Variants in ZNF462 observed in about 807,000 individuals in gnomAD.
ZNF462 encodes the protein zinc finger PBX1-interacting protein.
Under a neutral mutation model 201.9 loss-of-function variants are expected in ZNF462, and 10 were observed. The observed-to-expected ratio is 0.05, with a 90% CI of 0.03 to 0.08. The LOEUF is 0.08. Ranked by LOEUF, ZNF462 falls within the 10% of genes least tolerant of loss-of-function variation. ZNF462 has a pLI of 1.00. For synonymous variants in ZNF462, 1,227 were observed against 1,193.3 expected (o/e 1.03, Z -0.58); for missense variants, 2,523 against 3,168.3 (o/e 0.80, Z 4.89).
chr9:106,951,455 G>C (rs1383576245), intron 7 of ZNF462, among the ~76,000 whole-genome samples: 1 of 152,072 alleles, frequency 6.6e-6, no homozygotes, highest in Non-Finnish European at 1.5e-5. Flanking sequence ...TTGAGAGAAA[G>C]CAAAAAACAA....
In ZNF462 at chr9:106,968,652, T is replaced by C. The variant is rs1484791465; in HGVS notation, c.6428-3353T>C. 6.6e-6 allele frequency among the ~76,000 whole-genome samples: 1 copy of C among 152,120 alleles called. No homozygotes were observed. The highest frequency in any genetic ancestry group is 1.5e-5 in the Non-Finnish European group (1 of 68,020). On this transcript the variant is annotated intron_variant, in intron 7 of 12. Transcript: ENST00000277225. The surrounding 1 kb of genome is among the most constrained non-coding windows in gnomAD (Gnocchi z 4.0). Reference sequence around the variant, plus strand: ...CTGTTGGTTCCATTGTAGATACCACTGGCCATACAGGTGTTAAAGATCTAA... The same window carrying C: ...CTGTTGGTTCCATTGTAGATACCACCGGCCATACAGGTGTTAAAGATCTAA...
rs1431649089 is a variant in ZNF462, at chr9:106,932,188, AAAAG to A, written c.6013-253_6013-250del. On this transcript the variant is annotated intron_variant, in intron 4 of 12. Coordinates refer to ENST00000277225, the MANE Select transcript of ZNF462 (RefSeq NM_021224.6). The surrounding 1 kb of genome is among the most constrained non-coding windows in gnomAD (Gnocchi z 6.8). Reference sequence around the variant, plus strand: ...TTGAGTTTGGGAGAATGTAGGGAGAAAAAGAAAGCTGGAGGCAATGATGATGGAT... The same window carrying A: ...TTGAGTTTGGGAGAATGTAGGGAGAAAAAGCTGGAGGCAATGATGATGGAT... 14 of 1,527,350 alleles carry A rather than the reference AAAAG, an allele frequency of 9.2e-6. No homozygotes were observed. The highest frequency in any genetic ancestry group is 8.3e-5 in the African/African-American group (6 of 72,726). The allele number at this position is 1,527,350 out of a possible 1,614,324, so 94.6% of individuals were successfully genotyped here.
At chr9:106,971,174 G>C (rs1362740551) in intron 7 of ZNF462, among the ~76,000 whole-genome samples, 1 of 151,920 alleles carries the variant, frequency 6.6e-6, no homozygotes, top group African/African-American at 2.4e-5. Flanking sequence ...CCTTGTGCTT[G>C]AGCATTTCTG....
chr9:106,951,335 C>T (rs1423132151), intron 7 of ZNF462, among the ~76,000 whole-genome samples: 1 of 152,106 alleles, frequency 6.6e-6, no homozygotes, highest in African/African-American at 2.4e-5. Context: ...ATATCATCCA[C>T]TATGTGTTGC....
At chr9:106,916,427 T>TG in intron 1 of ZNF462, among the ~76,000 whole-genome samples, 1 of 152,214 alleles carries the variant, frequency 6.6e-6, no homozygotes, top group Non-Finnish European at 1.5e-5. Flanking sequence ...GCAGCATATC[T>TG]GCAACTTCCC....
rs1159313323 is a variant in ZNF462 at position 106,935,658 on chromosome 9, A to G, written c.6235+37A>G. 5.0e-5 allele frequency: 77 copies of G among 1,543,860 alleles called. No homozygotes were observed. Among genetic ancestry groups the G allele is most frequent in the Admixed American group, 6.7e-5 (4 of 59,864 alleles). On this transcript the variant is annotated intron_variant, in intron 6 of 12. Transcript: ENST00000277225. The surrounding 1 kb of genome is among the most constrained non-coding windows in gnomAD (Gnocchi z 4.1). ...ATTGATGATGCACAAGTTCTTTAGC[A>G]CTCTCTGAGTTTGAAACCTGATGAT...
In ZNF462 at chr9:106,962,021, A is replaced by G. The variant is rs1178744847; in HGVS notation, c.6428-9984A>G. ...GGCAAGGGAGTGAGGATCGGCCTGG[A>G]AAGATGAAGGAGAGTGTGAGCCCCA... On this transcript the variant is annotated intron_variant, in intron 7 of 12. Transcript: ENST00000277225. The surrounding 1 kb of genome is among the most constrained non-coding windows in gnomAD (Gnocchi z 4.6). Among the ~76,000 whole-genome samples the G allele has an allele frequency of 6.6e-6, 1 of 152,040 alleles. No homozygotes were observed. Among genetic ancestry groups the G allele is most frequent in the Non-Finnish European group, 1.5e-5 (1 of 67,964 alleles).
Position 107,012,412 on chromosome 9 carries a change from G to A in ZNF462, c.*1382G>A, listed in dbSNP as rs1179088218. 2.0e-5 allele frequency: 3 copies of A among 148,552 alleles called. No individual in the cohort carries two copies. Among genetic ancestry groups the A allele is most frequent in the Non-Finnish European group, 3.0e-5 (2 of 67,422 alleles). The allele number at this position is 148,552 out of a possible 1,614,324, so 9.2% of individuals were successfully genotyped here. On this transcript the variant is annotated 3_prime_UTR_variant, in exon 13 of 13. Coordinates refer to ENST00000277225, the MANE Select transcript of ZNF462 (RefSeq NM_021224.6). ...GACAAGAAATAACATATCCTACAAGGAGCCTGGAGAACTACTTTCTTTCTT... is the reference window on the plus strand; with the variant it reads ...GACAAGAAATAACATATCCTACAAGAAGCCTGGAGAACTACTTTCTTTCTT...
At chr9:106,976,897 A>G (rs1452526254) in intron 9 of ZNF462, among the ~76,000 whole-genome samples, 1 of 152,208 alleles carries the variant, frequency 6.6e-6, no homozygotes, top group African/African-American at 2.4e-5. Flanking sequence ...TCTAGTAAGT[A>G]ATCCAGCTGG....
rs1410600794 is a variant in ZNF462, at chr9:106,928,666, C to T, written c.4754C>T (p.Thr1585Ile). 1.9e-6 allele frequency: 3 copies of T among 1,614,198 alleles called. No individual in the cohort carries two copies. The highest frequency in any genetic ancestry group is 1.6e-4 in the Middle Eastern group (1 of 6,062). ...TACCGGTGCAAACTGTGTCCGTACA[C>T]ACACGGCACTTTGGAGAAACTAAAA... is the stretch of plus-strand genomic sequence containing the variant. Reference protein sequence around the residue: ...GAYRCKLCPYTHGTLEKLKIH... With the variant: ...GAYRCKLCPYIHGTLEKLKIH... Residue 1585 changes from threonine (T) to isoleucine (I), a missense_variant, in exon 3 of 13, where the codon ACA becomes ATA. Transcript: ENST00000277225. This position sits in a 1 kb window ranked among gnomAD's most constrained non-coding sequence, Gnocchi z 9.3.
In ZNF462 at chr9:107,003,870, C is replaced by T. The variant is rs1829368202; in HGVS notation, c.7189+444C>T. 6.6e-6 allele frequency among the ~76,000 whole-genome samples: 1 copy of T among 151,950 alleles called. No individual in the cohort carries two copies. Among genetic ancestry groups the T allele is most frequent in the Admixed American group, 6.6e-5 (1 of 15,246 alleles). On this transcript the variant is annotated intron_variant, in intron 11 of 12. Coordinates refer to ENST00000277225, the MANE Select transcript of ZNF462 (RefSeq NM_021224.6). This position sits in a 1 kb window ranked among gnomAD's most constrained non-coding sequence, Gnocchi z 4.4. ...GGACGGTGGTGCAAAGAACTTGAGCCCCTACCCCCTGATGTCCCTCTGCGT... is the reference window on the plus strand; with the variant it reads ...GGACGGTGGTGCAAAGAACTTGAGCTCCTACCCCCTGATGTCCCTCTGCGT...
chr9:106,908,846 A>T (rs2131269524), intron 1 of ZNF462, among the ~76,000 whole-genome samples: 1 of 141,132 alleles, frequency 7.1e-6, no homozygotes, highest in African/African-American at 2.6e-5. Flanking sequence ...TGTTAACTTC[A>T]GAAATGAAAT....
chr9:106,945,233 A>G (rs1246836620), intron 7 of ZNF462, among the ~76,000 whole-genome samples: 1 of 152,224 alleles, frequency 6.6e-6, no homozygotes, highest in African/African-American at 2.4e-5. Context: ...TTTTAAAAAT[A>G]TTTGTGCATG....
At chr9:106,873,575 T>C (rs1827693330) in intron 1 of ZNF462, among the ~76,000 whole-genome samples, 1 of 152,202 alleles carries the variant, frequency 6.6e-6, no homozygotes, top group African/African-American at 2.4e-5. Flanking sequence ...AATGGTCATT[T>C]TTGGAACATG....
At position 106,925,157 on chromosome 9, in the gene ZNF462, G is replaced by T; in HGVS notation, c.1245G>T (p.Gln415His). Residue 415 changes from glutamine to histidine, a missense_variant, in exon 3 of 13, where the codon CAG (glutamine) becomes CAT (histidine). Physicochemically the swap from Gln to His is conservative, Grantham distance 24. Coordinates refer to ENST00000277225, the MANE Select transcript of ZNF462 (RefSeq NM_021224.6). This position sits in a 1 kb window ranked among gnomAD's most constrained non-coding sequence, Gnocchi z 7.9. ...DHQTSGLSAE[Q>H]LMGSDGNKLL... ...AGACATCAGGCCTGTCTGCAGAGCA[G>T]CTGATGGGCTCAGATGGCAACAAAT... 1 of 1,614,218 alleles carries T rather than the reference G, an allele frequency of 6.2e-7. No homozygotes were observed. The highest frequency in any genetic ancestry group is 8.5e-7 in the Non-Finnish European group (1 of 1,180,042).
chr9:106,898,015 C>G (rs1828884519), intron 1 of ZNF462, among the ~76,000 whole-genome samples: 1 of 152,196 alleles, frequency 6.6e-6, no homozygotes. Flanking sequence ...CTTATTTCGT[C>G]AGTGCTAAGT....
intron 1 of ZNF462, among the ~76,000 whole-genome samples, chr9:106,911,693 A>G (rs143667801): frequency 1.3e-5 from 2 of 152,334 alleles, no homozygotes; most frequent in African/African-American, 4.8e-5. Flanking sequence ...GTGAACAAAC[A>G]TAGAGATCTC....
intron 1 of ZNF462, among the ~76,000 whole-genome samples, chr9:106,922,239 G>A (rs1564099728): frequency 6.6e-6 from 1 of 152,168 alleles, no homozygotes; most frequent in East Asian, 1.9e-4. Context: ...TGATCTTACT[G>A]AAGTAACTTA....
chr9:106,935,765 C>A lies in ZNF462; in HGVS notation c.6235+144C>A, dbSNP rs898373135. On this transcript the variant is annotated intron_variant, in intron 6 of 12. Transcript: ENST00000277225. This position sits in a 1 kb window ranked among gnomAD's most constrained non-coding sequence, Gnocchi z 4.1. ...GATGTATATTCAGTTTTATTTTTAC[C>A]TAGTAAAGAAAAAATAAAGAAAAAA... 5.1e-6 allele frequency: 3 copies of A among 583,652 alleles called. No individual in the cohort carries two copies. The highest frequency in any genetic ancestry group is 3.0e-5 in the East Asian group (1 of 33,226). 36.2% of individuals were successfully genotyped at this position (583,652 alleles called of 1,614,324 possible). A position where few individuals can be genotyped will look rare whatever the true frequency, so the allele number is the denominator to read the frequency against.
Sources: allele counts gnomAD v4.1 joint callset (sites outside exome capture counted in the v4.1 genomes callset), GRCh38; gene constraint gnomAD v4.1.1; non-coding constraint Gnocchi (gnomAD v3.1); transcripts MANE v1.5; gene names NCBI Gene and HGNC (gene_info 2026-07-23, HGNC 2026-07-21).